CPLX1: variants seen among roughly 807,000 people sequenced by gnomAD.
The protein encoded by CPLX1 is complexin 1, also known as complexin-1.
Under a neutral mutation model 15.6 loss-of-function variants are expected in CPLX1, and 6 were observed. That is an observed-to-expected ratio of 0.39 (90% CI 0.21 to 0.76). The LOEUF is 0.76. CPLX1 is among the 30% of genes least tolerant of loss of function. CPLX1 has a pLI of 0.43. For missense variants in CPLX1, 242 were observed against 188.6 expected (o/e 1.28, Z -1.66); for synonymous variants, 91 against 75.2 (o/e 1.21, Z -1.08).
chr4:788,349 C>T (rs1746064189), intron 3 of CPLX1: 1 of 985,038 alleles, frequency 1.0e-6, no homozygotes, highest in Non-Finnish European at 1.2e-6. Context: ...TGTGGGGGGC[C>T]AGGGCCACCT....
rs554743543 is a variant in CPLX1 at position 819,193 on chromosome 4, C to T, written c.31+5299G>A. On this transcript the variant is annotated intron_variant, in intron 2 of 3. Coordinates refer to ENST00000304062, the MANE Select transcript of CPLX1 (RefSeq NM_006651.4). Reference sequence around the variant, plus strand: ...ACAAATGCTCTAACCCCAACTGGAACGTCTTGCCAACCAATGAGGCAAAAA... The same window carrying T: ...ACAAATGCTCTAACCCCAACTGGAATGTCTTGCCAACCAATGAGGCAAAAA... Among the ~76,000 whole-genome samples the T allele has an allele frequency of 1.7e-3, 256 of 152,376 alleles. 6 individuals carry two copies. The highest frequency in any genetic ancestry group is 3.4e-3 in the Middle Eastern group (1 of 294).
At chr4:812,621 A>C (rs1472249877) in intron 2 of CPLX1, among the ~76,000 whole-genome samples, 2 of 152,232 alleles carry the variant, frequency 1.3e-5, no homozygotes, top group Non-Finnish European at 2.9e-5. Flanking sequence ...AAGAGAGGAA[A>C]GGACCAAACT....
intron 3 of CPLX1, among the ~76,000 whole-genome samples, chr4:790,125 CTG>C (rs1560236380): frequency 1.3e-5 from 2 of 152,158 alleles, no homozygotes; most frequent in Non-Finnish European, 2.9e-5. Flanking sequence ...CCCAAAGGCT[CTG>C]TGGAGGAGGA....
At chr4:809,326 C>G (rs1162554230) in intron 2 of CPLX1, among the ~76,000 whole-genome samples, 2 of 152,232 alleles carry the variant, frequency 1.3e-5, no homozygotes, top group African/African-American at 4.8e-5. Flanking sequence ...GGGGCCCGGC[C>G]AAAGCTTCTC....
chr4:814,948 A>G (rs909168204), intron 2 of CPLX1, among the ~76,000 whole-genome samples: 1 of 152,250 alleles, frequency 6.6e-6, no homozygotes, highest in Non-Finnish European at 1.5e-5. Context: ...GCCAGCTCTC[A>G]CACACTGGAA....
intron 2 of CPLX1, among the ~76,000 whole-genome samples, chr4:805,491 T>C (rs910988362): frequency 6.6e-6 from 1 of 152,212 alleles, no homozygotes; most frequent in Non-Finnish European, 1.5e-5. Flanking sequence ...TGGAACCCTG[T>C]GCCTTGTTGT....
chr4:801,245 C>G (rs1746453382), intron 2 of CPLX1, among the ~76,000 whole-genome samples: 1 of 151,802 alleles, frequency 6.6e-6, no homozygotes, highest in African/African-American at 2.4e-5. Flanking sequence ...TTGCTTGAAC[C>G]TGGGAGGTGG....
rs569246989 is a variant in CPLX1, at chr4:786,448, G to T, written c.*53C>A. The T allele has an allele frequency of 6.7e-7, 1 of 1,489,984 alleles. No individual in the cohort carries two copies. Among genetic ancestry groups the T allele is most frequent in the Admixed American group, 2.2e-5 (1 of 45,826 alleles). The allele number at this position is 1,489,984 out of a possible 1,614,324, so 92.3% of individuals were successfully genotyped here. A position where few individuals can be genotyped will look rare whatever the true frequency, so the allele number is the denominator to read the frequency against. ...CTCGTCCCTCAGGGGCCTCCGCGGA[G>T]GATCTGTAGGGGGAGGGGCGGGGGC... On this transcript the variant is annotated 3_prime_UTR_variant, in exon 4 of 4. Coordinates refer to ENST00000304062, the MANE Select transcript of CPLX1 (RefSeq NM_006651.4).
chr4:794,076 T>TA (rs1229352066), intron 2 of CPLX1, among the ~76,000 whole-genome samples: 3 of 152,236 alleles, frequency 2.0e-5, no homozygotes, highest in African/African-American at 7.2e-5. Flanking sequence ...CGCCTGTAGC[T>TA]ATCTGTGCCA....
intron 2 of CPLX1, among the ~76,000 whole-genome samples, chr4:807,998 C>T (rs907722358): frequency 1.8e-4 from 28 of 152,112 alleles, no homozygotes; most frequent in Non-Finnish European, 3.4e-4. Flanking sequence ...CTGGGTGCGG[C>T]GGTCACACCT....
At chr4:793,030 T>C (rs1365224795) in intron 2 of CPLX1, among the ~76,000 whole-genome samples, 1 of 152,154 alleles carries the variant, frequency 6.6e-6, no homozygotes, top group Non-Finnish European at 1.5e-5. Flanking sequence ...GGCTGTGTGG[T>C]TGTGCATGTG....
At chr4:803,369 C>T (rs1746493969) in intron 2 of CPLX1, among the ~76,000 whole-genome samples, 1 of 152,072 alleles carries the variant, frequency 6.6e-6, no homozygotes, top group Non-Finnish European at 1.5e-5. Context: ...AAGGCGACAG[C>T]ACCGAATTCT....
chr4:788,458 C>T (rs1250369711), intron 3 of CPLX1: 29 of 985,330 alleles, frequency 2.9e-5, no homozygotes, highest in Admixed American at 6.1e-5. Flanking sequence ...CGCCCTAGTC[C>T]TCAGCAGCCC....
chr4:808,143 C>T (rs1327459991), intron 2 of CPLX1, among the ~76,000 whole-genome samples: 2 of 152,088 alleles, frequency 1.3e-5, no homozygotes, highest in African/African-American at 4.8e-5. Context: ...GTGGCACACA[C>T]CTGTTGTCTC....
Position 826,059 on chromosome 4 carries a change from G to GGA in CPLX1, c.-94_-93insTC. 1.3e-5 allele frequency: 2 copies of GGA among 148,208 alleles called. No individual in the cohort carries two copies. The highest frequency in any genetic ancestry group is 3.0e-5 in the Non-Finnish European group (2 of 66,872). The allele number at this position is 148,208 out of a possible 1,614,324, so 9.2% of individuals were successfully genotyped here. The stretch of plus-strand genomic sequence containing the variant: ...GGGCGCGGTTACCTTCCCGGGGCGC[G>GGA]GGCGGTCAGCGGCGGGGCGCGCTCG... On this transcript the variant is annotated 5_prime_UTR_variant, in exon 1 of 4. Transcript: ENST00000304062.
chr4:800,732 A>AT (rs763379661), intron 2 of CPLX1, among the ~76,000 whole-genome samples: 9 of 93,896 alleles, frequency 9.6e-5, no homozygotes, highest in Admixed American at 2.4e-4. Context: ...ACTAAAAAAA[A>AT]AAATATATAT....
chr4:791,527 T>C (rs950424097), intron 3 of CPLX1, among the ~76,000 whole-genome samples: 6 of 152,024 alleles, frequency 3.9e-5, no homozygotes. Context: ...AAGCCCACCC[T>C]TCCCTGGGTG....
chr4:804,746 G>T (rs948391819), intron 2 of CPLX1: 2 of 985,490 alleles, frequency 2.0e-6, no homozygotes, highest in Non-Finnish European at 2.4e-6. Flanking sequence ...ACAAAGAAGT[G>T]AAAACGCACC....
chr4:797,472 C>T (rs182866240), intron 2 of CPLX1, among the ~76,000 whole-genome samples: 59 of 152,298 alleles, frequency 3.9e-4, no homozygotes, highest in Middle Eastern at 6.8e-3. Context: ...GGATTACAGG[C>T]GTCTGCCACC....
Sources: allele counts gnomAD v4.1 joint callset (sites outside exome capture counted in the v4.1 genomes callset), GRCh38; gene constraint gnomAD v4.1.1; transcripts MANE v1.5; gene names NCBI Gene and HGNC (gene_info 2026-07-23, HGNC 2026-07-21).